CEP112: variants seen among roughly 807,000 people sequenced by gnomAD.
CEP112 encodes centrosomal protein of 112 kDa.
A neutral mutation model predicts 153.0 loss-of-function variants in CEP112; 127 were observed. The observed-to-expected ratio is 0.83, with a 90% confidence interval of 0.72 to 0.96. The LOEUF is 0.96. Among genes scored for constraint, CEP112 ranks in the 40% least tolerant of loss-of-function variants. The pLI, the probability that CEP112 is intolerant of heterozygous loss-of-function variation, is 0.00. For synonymous variants in CEP112, 358 were observed against 374.4 expected, an observed-to-expected ratio of 0.96 and a Z score of 0.51; for missense variants, 1,089 against 1,101.2, an observed-to-expected ratio of 0.99 and a Z score of 0.16.
chr17:65,702,232 CAG>C (rs2048678697), intron 23 of CEP112, among the ~76,000 whole-genome samples: 1 of 152,108 alleles, frequency 6.6e-6, no homozygotes, highest in Non-Finnish European at 1.5e-5. Context: ...ACCAGGATTC[CAG>C]ACTCTTTCCC....
At chr17:66,058,178 CA>C (rs572151365) in intron 11 of CEP112, among the ~76,000 whole-genome samples, 3 of 151,658 alleles carry the variant, frequency 2.0e-5, no homozygotes, top group Non-Finnish European at 4.4e-5. Flanking sequence ...TTTACTAATC[CA>C]GCAGAAAGAA....
chr17:65,791,195 A>T (rs1223466393), intron 21 of CEP112, among the ~76,000 whole-genome samples: 2 of 152,212 alleles, frequency 1.3e-5, no homozygotes. Context: ...ATAAAACAAG[A>T]AACCAAAACC....
chr17:65,808,190 C>A (rs934117187), intron 21 of CEP112, among the ~76,000 whole-genome samples: 6 of 152,210 alleles, frequency 3.9e-5, no homozygotes, highest in Non-Finnish European at 8.8e-5. Flanking sequence ...TTTGGACTTG[C>A]GTGGGTCCTC....
chr17:65,655,413 A>G (rs1240723840), intron 24 of CEP112: 1 of 1,438,446 alleles, frequency 7.0e-7, no homozygotes, highest in Non-Finnish European at 9.8e-7. Flanking sequence ...AGTACATGAC[A>G]TGAAGATAAC....
At chr17:65,847,190 A>C (rs2057760295) in intron 21 of CEP112, among the ~76,000 whole-genome samples, 1 of 152,066 alleles carries the variant, frequency 6.6e-6, no homozygotes, top group South Asian at 2.1e-4. Flanking sequence ...ATTCTGGTTC[A>C]TCTCAGTACC....
intron 23 of CEP112, 58 bp from the exon 24 acceptor site, chr17:65,689,276 C>CATGGTGTAGAACTATTT: frequency 7.8e-7 from 1 of 1,281,094 alleles, no homozygotes; most frequent in Non-Finnish European, 1.1e-6. Flanking sequence ...AAAAATAGTT[C>CATGGTGTAGAACTATTT]TACACCATGA....
chr17:66,026,927 T>A (rs796152162), intron 16 of CEP112, among the ~76,000 whole-genome samples: 31 of 152,302 alleles, frequency 2.0e-4, no homozygotes, highest in Middle Eastern at 3.4e-3. Flanking sequence ...TCCATGGATA[T>A]GAAAGGCCAA....
Position 65,750,696 on chromosome 17 carries a change from T to C in CEP112, c.2423A>G (p.Lys808Arg). ...TTTGGCAAGCTTCTGAGTGTATTCC[T>C]TCTCAATCTGCTTCAGCTTGCTGTT... is the stretch of plus-strand genomic sequence containing the variant. ...KANSKLKQIEKEYTQKLAKSS... is the reference protein window; with the variant it reads ...KANSKLKQIEREYTQKLAKSS... The change falls in exon 22 of 27, where the codon AAG (lysine) becomes AGG (arginine). Residue 808 changes from lysine to arginine, a missense_variant. Lys to Arg is a conservative substitution (Grantham distance 26, BLOSUM62 2). Transcript: ENST00000535342. The C allele has an allele frequency of 6.2e-7, 1 of 1,614,124 alleles. No homozygotes were observed. The highest frequency in any genetic ancestry group is 1.1e-5 in the South Asian group (1 of 91,080).
At chr17:66,025,106 TCC>T (rs1444256102) in intron 16 of CEP112, among the ~76,000 whole-genome samples, 1 of 151,968 alleles carries the variant, frequency 6.6e-6, no homozygotes, top group African/African-American at 2.4e-5. Flanking sequence ...TGAAACTGAA[TCC>T]CTCTCTCACC....
chr17:66,151,620 T>C (rs2071213703), intron 4 of CEP112, among the ~76,000 whole-genome samples: 2 of 152,244 alleles, frequency 1.3e-5, no homozygotes, highest in Admixed American at 6.5e-5. Flanking sequence ...TCCACTTTGA[T>C]GGAAGCCAGC....
chr17:66,060,198 T>C (rs1374331044), intron 11 of CEP112, among the ~76,000 whole-genome samples: 1 of 152,156 alleles, frequency 6.6e-6, no homozygotes, highest in African/African-American at 2.4e-5. Context: ...ACTACTTGGA[T>C]GATGGGATCA....
At chr17:65,867,772 A>G (rs996639057) in intron 20 of CEP112, among the ~76,000 whole-genome samples, 5 of 152,176 alleles carry the variant, frequency 3.3e-5, no homozygotes, top group African/African-American at 1.2e-4. Context: ...ATGTTTTTAT[A>G]TAAATCACCC....
intron 21 of CEP112, among the ~76,000 whole-genome samples, chr17:65,804,865 A>G (rs1449572894): frequency 2.1e-5 from 3 of 144,972 alleles, no homozygotes; most frequent in Non-Finnish European, 4.6e-5. Flanking sequence ...TGTACAATTA[A>G]TTTTTTTTTT....
At chr17:65,720,479 A>G (rs1383505958) in intron 23 of CEP112, among the ~76,000 whole-genome samples, 1 of 152,192 alleles carries the variant, frequency 6.6e-6, no homozygotes, top group Middle Eastern at 3.2e-3. Context: ...GAGCTGTCAG[A>G]GAGGCAGAGG....
intron 19 of CEP112, chr17:65,913,468 A>G: frequency 1.0e-6 from 1 of 982,840 alleles, no homozygotes; most frequent in Non-Finnish European, 1.2e-6. Context: ...ACACTTTAAT[A>G]GAAATAGGCA....
At chr17:66,142,958 T>C (rs2070772445) in intron 4 of CEP112, among the ~76,000 whole-genome samples, 1 of 152,338 alleles carries the variant, frequency 6.6e-6, no homozygotes, top group African/African-American at 2.4e-5. Context: ...ACAATATTAA[T>C]TCTTCCAATC....
At chr17:65,826,209 G>A in intron 21 of CEP112, 1 of 1,614,100 alleles carries the variant, frequency 6.2e-7, no homozygotes, top group Non-Finnish European at 8.5e-7. Context: ...TCTGTCTTGG[G>A]GACATTACCA....
chr17:65,897,401 T>C (rs1315157520), intron 20 of CEP112, among the ~76,000 whole-genome samples: 1 of 152,156 alleles, frequency 6.6e-6, no homozygotes, highest in Admixed American at 6.6e-5. Flanking sequence ...GAATTATCAT[T>C]TGATTTTATA....
At chr17:65,813,837 G>C (rs762083982) in intron 21 of CEP112, among the ~76,000 whole-genome samples, 1 of 152,158 alleles carries the variant, frequency 6.6e-6, no homozygotes, top group Non-Finnish European at 1.5e-5. Context: ...TTAAGAATCT[G>C]TGTTGTATCT....
Sources: allele counts gnomAD v4.1 joint callset (sites outside exome capture counted in the v4.1 genomes callset), GRCh38; gene constraint gnomAD v4.1.1; transcripts MANE v1.5; gene names NCBI Gene and HGNC (gene_info 2026-07-23, HGNC 2026-07-21).